MAST2: variants seen among roughly 807,000 people sequenced by gnomAD.
MAST2 encodes microtubule-associated serine/threonine-protein kinase 2.
A neutral mutation model predicts 147.4 loss-of-function variants in MAST2; 70 were observed. The ratio of observed to expected loss-of-function variants is 0.47; its 90% CI spans 0.39 to 0.58. The LOEUF is 0.58. MAST2 is among the 20% of genes least tolerant of loss of function. MAST2 has a pLI of 0.00. For synonymous variants in MAST2, 869 were observed against 896.8 expected (o/e 0.97, Z 0.55); for missense variants, 2,080 against 2,302.3 (o/e 0.90, Z 1.98).
chr1:45,937,432 A>G (rs931197059), intron 4 of MAST2, among the ~76,000 whole-genome samples: 1 of 151,982 alleles, frequency 6.6e-6, no homozygotes, highest in African/African-American at 2.4e-5. Context: ...TGCCTGGCTG[A>G]GACAAAATTT....
At chr1:45,937,751 C>CAAAAAA (rs34830747) in intron 4 of MAST2, among the ~76,000 whole-genome samples, 68 of 73,208 alleles carry the variant, frequency 9.3e-4, no homozygotes, top group African/African-American at 3.6e-3. Flanking sequence ...AACTCCATCT[C>CAAAAAA]AAAAAAAAAA....
intron 10 of MAST2, among the ~76,000 whole-genome samples, chr1:46,013,114 G>A (rs531385011): frequency 6.6e-6 from 1 of 152,180 alleles, no homozygotes; most frequent in East Asian, 2.0e-4. Flanking sequence ...CATTTATGGA[G>A]CATTTAATAC....
chr1:45,905,174 CTTTTT>C (rs1206585552), intron 4 of MAST2, among the ~76,000 whole-genome samples: 2 of 128,110 alleles, frequency 1.6e-5, no homozygotes. Flanking sequence ...TATGTTTAAT[CTTTTT>C]TTTTTTTTTT....
rs1212346412 is a variant in MAST2 at position 45,811,790 on chromosome 1, C to T, written c.177+7718C>T. 9.9e-5 allele frequency among the ~76,000 whole-genome samples: 15 copies of T among 151,052 alleles called. 1 individual carries two copies. The highest frequency in any genetic ancestry group is 1.9e-4 in the East Asian group (1 of 5,132). On this transcript the variant is annotated intron_variant, in intron 1 of 28. Coordinates refer to ENST00000361297, the MANE Select transcript of MAST2 (RefSeq NM_015112.3). ...CTGGGACTACAGGCGCCCGCCACCA[C>T]GCCCAGCTAATTTTTTTGTATTTTT...
intron 5 of MAST2, among the ~76,000 whole-genome samples, chr1:45,981,846 C>CTTTTT (rs34353072): frequency 7.1e-6 from 1 of 141,164 alleles, no homozygotes; most frequent in Admixed American, 7.1e-5. Flanking sequence ...GTAATTTTGG[C>CTTTTT]TTTTTTTTTT....
At position 45,824,588 on chromosome 1, in the gene MAST2, T is replaced by A; in HGVS notation, c.325+8T>A. On this transcript the variant is annotated splice_region_variant and intron_variant, in intron 2 of 28. Coordinates refer to ENST00000361297, the MANE Select transcript of MAST2 (RefSeq NM_015112.3). ...TGGCCAGCTCTCTATCGGGTAAATATCTGATTTTGTTGTTTTAAGAAATGT... is the reference window on the plus strand; with the variant it reads ...TGGCCAGCTCTCTATCGGGTAAATAACTGATTTTGTTGTTTTAAGAAATGT... The A allele has an allele frequency of 6.4e-7, 1 of 1,572,746 alleles. No individual in the cohort carries two copies. Among genetic ancestry groups the A allele is most frequent in the Non-Finnish European group, 8.7e-7 (1 of 1,155,556 alleles).
intron 4 of MAST2, among the ~76,000 whole-genome samples, chr1:45,923,995 C>T (rs553869386): frequency 2.0e-5 from 3 of 152,242 alleles, no homozygotes; most frequent in African/African-American, 7.2e-5. Flanking sequence ...CCTCAGCCTC[C>T]CCAGTAGCTG....
chr1:45,917,794 C>T (rs1652807015), intron 4 of MAST2, among the ~76,000 whole-genome samples: 1 of 152,096 alleles, frequency 6.6e-6, no homozygotes, highest in Non-Finnish European at 1.5e-5. Context: ...TGAACTATGA[C>T]CTGTGACCAC....
intron 10 of MAST2, among the ~76,000 whole-genome samples, chr1:46,018,139 G>A (rs1646035509): frequency 6.6e-6 from 1 of 152,134 alleles, no homozygotes. Flanking sequence ...CACTCTTGCT[G>A]CCTCTTCACA....
At chr1:45,910,124 T>TC (rs1232071530) in intron 4 of MAST2, among the ~76,000 whole-genome samples, 2 of 151,622 alleles carry the variant, frequency 1.3e-5, no homozygotes, top group Non-Finnish European at 2.9e-5. Context: ...TTTTTTTTTT[T>TC]TTCCCCAAAT....
chr1:45,852,735 G>T (rs1035937302), intron 3 of MAST2, among the ~76,000 whole-genome samples: 5 of 151,880 alleles, frequency 3.3e-5, no homozygotes, highest in Non-Finnish European at 5.9e-5. Context: ...TTTTCAGTAA[G>T]TATAATGTTT....
intron 4 of MAST2, among the ~76,000 whole-genome samples, chr1:45,927,139 G>A (rs930478829): frequency 3.9e-5 from 6 of 152,168 alleles, no homozygotes. Context: ...GTGCGAATAG[G>A]TGTGGGTGAC....
chr1:45,811,255 CT>C (rs1644286865), intron 1 of MAST2, among the ~76,000 whole-genome samples: 1 of 151,776 alleles, frequency 6.6e-6, no homozygotes, highest in South Asian at 2.1e-4. Flanking sequence ...CAGCCTCCCC[CT>C]GTGGGGTTCA....
At chr1:45,934,696 T>C (rs1299870188) in intron 4 of MAST2, among the ~76,000 whole-genome samples, 1 of 152,244 alleles carries the variant, frequency 6.6e-6, no homozygotes, top group African/African-American at 2.4e-5. Flanking sequence ...GTGCTGGGAT[T>C]ACAGGAGTGA....
rs537975782 is a variant in MAST2 at position 45,942,785 on chromosome 1, C to G, written c.501-16601C>G. ...TGATCTCCAGTGATTAAGAATCTTCCTGGTACATGAGATAGAACACCTTTA... is the reference window on the plus strand; with the variant it reads ...TGATCTCCAGTGATTAAGAATCTTCGTGGTACATGAGATAGAACACCTTTA... On this transcript the variant is annotated intron_variant, in intron 4 of 28. Coordinates refer to ENST00000361297, the MANE Select transcript of MAST2 (RefSeq NM_015112.3). Among the ~76,000 whole-genome samples the G allele has an allele frequency of 1.8e-4, 27 of 152,248 alleles. No individual in the cohort carries two copies. The South Asian group carries it at 5.4e-3, about 30-fold the overall frequency.
chr1:45,905,775 C>CAAA (rs11453789), intron 4 of MAST2, among the ~76,000 whole-genome samples: 2 of 140,172 alleles, frequency 1.4e-5, no homozygotes, highest in African/African-American at 2.6e-5. Flanking sequence ...GACTCTGTCT[C>CAAA]AAAAAAAAAA....
intron 1 of MAST2, among the ~76,000 whole-genome samples, chr1:45,810,865 T>G (rs1049994699): frequency 4.0e-5 from 6 of 150,100 alleles, no homozygotes. Flanking sequence ...TTCTTTTTTT[T>G]TTTTTTTGAG....
intron 4 of MAST2, among the ~76,000 whole-genome samples, chr1:45,932,676 A>G (rs1228995279): frequency 2.6e-5 from 4 of 152,140 alleles, no homozygotes; most frequent in Non-Finnish European, 5.9e-5. Context: ...CTGTCTTTCA[A>G]CTGCCCCCTC....
Position 46,031,513 on chromosome 1 carries a change from C to A in MAST2, c.3115C>A (p.Arg1039Ser). ...RLLSGDSTEK[R>S]TARPVNKVIK... ...GCTCTCTGGGGACTCAACAGAGAAG[C>A]GCACTGCTCGCCCTGTCAACAAAGT... Residue 1039 changes from arginine to serine, a missense_variant, in exon 24 of 29, where the codon CGC becomes AGC. Physicochemically the swap from Arg to Ser is moderately radical, Grantham distance 110 (BLOSUM62 -1). Around this residue, in one of 4 missense-constraint regions of MAST2, gnomAD observed 1,278 missense variants for 1,304.2 expected, o/e 0.98. Transcript: ENST00000361297. This position sits in a 1 kb window ranked among gnomAD's most constrained non-coding sequence, Gnocchi z 4.1. The A allele has an allele frequency of 6.2e-7, 1 of 1,614,148 alleles. No individual in the cohort carries two copies. Among genetic ancestry groups the A allele is most frequent in the Non-Finnish European group, 8.5e-7 (1 of 1,180,014 alleles).
Sources: gnomAD v4.1 joint callset for allele counts (sites outside exome capture counted in the v4.1 genomes callset) on GRCh38, gnomAD v4.1.1 for gene constraint, gnomAD v4.1.1 regional missense constraint, Gnocchi (gnomAD v3.1) non-coding constraint, MANE v1.5 for transcripts, NCBI Gene and HGNC (gene_info 2026-07-23, HGNC 2026-07-21) for gene names.